The following POLA1 variants were observed in gnomAD, a reference collection of about 807,000 sequenced individuals.
POLA1 encodes DNA polymerase alpha catalytic subunit.
POLA1 carries 15 observed loss-of-function variants against 124.0 expected under a neutral mutation model. The ratio of observed to expected loss-of-function variants is 0.12; its 90% CI spans 0.08 to 0.19. POLA1 has a LOEUF of 0.19. POLA1 is among the 10% of genes least tolerant of loss of function. The pLI is 1.00. For synonymous variants in POLA1, 408 were observed against 389.4 expected (o/e 1.05, Z -0.56); for missense variants, 886 against 1,103.4 (o/e 0.80, Z 2.79).
At chrX:24,704,524 A>T in intron 4 of POLA1, 55 bp downstream of exon 4, 1 of 801,949 alleles carries the variant, frequency 1.2e-6, no homozygotes, top group Non-Finnish European at 1.9e-6. Flanking sequence ...AATTCTCTAA[A>T]ATTAGAGATG....
chrX:24,721,596 T>G (rs1462422699), intron 10 of POLA1, among the ~76,000 whole-genome samples: 1 of 112,256 alleles, frequency 8.9e-6, no homozygotes, highest in Non-Finnish European at 1.9e-5. Flanking sequence ...TGCTGAATGC[T>G]CCATAATTAT....
chrX:24,901,595 A>G (rs1294488688), intron 35 of POLA1, among the ~76,000 whole-genome samples: 2 of 111,406 alleles, frequency 1.8e-5, no homozygotes, highest in African/African-American at 6.5e-5. Flanking sequence ...GCAGTATCTG[A>G]CTAAGTTGAC....
At chrX:24,901,165 CAA>C (rs1384676673) in intron 35 of POLA1, among the ~76,000 whole-genome samples, 2 of 111,155 alleles carry the variant, frequency 1.8e-5, no homozygotes, top group Admixed American at 1.9e-4. Context: ...CAGGTAGTGA[CAA>C]AGTACTGTGG....
At chrX:24,792,952 G>A (rs2045531598) in intron 26 of POLA1, among the ~76,000 whole-genome samples, 2 of 111,039 alleles carry the variant, frequency 1.8e-5, no homozygotes, top group Admixed American at 1.9e-4. Context: ...GATATCAAAG[G>A]CTTGCTCTTT....
At chrX:24,747,648 G>A (rs1932086176) in intron 24 of POLA1, among the ~76,000 whole-genome samples, 1 of 107,936 alleles carries the variant, frequency 9.3e-6, no homozygotes, top group African/African-American at 3.4e-5. Context: ...GTCTGTCTTA[G>A]TGTTTGTATT....
chrX:24,704,528 A>G, intron 4 of POLA1, 59 bp downstream of exon 4: 2 of 779,062 alleles, frequency 2.6e-6, no homozygotes, highest in Non-Finnish European at 4.0e-6. Context: ...CTCTAAAATT[A>G]GAGATGACTT....
chrX:24,887,773 A>G (rs779134171), intron 34 of POLA1, among the ~76,000 whole-genome samples: 10 of 110,000 alleles, frequency 9.1e-5, no homozygotes, highest in Non-Finnish European at 1.5e-4. Context: ...AGAAAAAAAA[A>G]TAACATCTCA....
At chrX:24,791,637 G>C (rs1440863182) in intron 26 of POLA1, among the ~76,000 whole-genome samples, 1 of 112,373 alleles carries the variant, frequency 8.9e-6, no homozygotes, top group Non-Finnish European at 1.9e-5. Context: ...ACCTGCCTCG[G>C]CCTCCCAAAG....
In POLA1 at chrX:24,813,834, G is replaced by T. The variant is rs925800566; in HGVS notation, c.3296+971G>T. 1.1e-4 allele frequency among the ~76,000 whole-genome samples: 10 copies of T among 90,547 alleles called. No homozygotes were observed. The East Asian group carries it at 2.3e-3, about 21-fold the overall frequency. The allele number at this position is 90,547 out of a possible 115,157, so 78.6% of individuals were successfully genotyped here. A position where few individuals can be genotyped will look rare whatever the true frequency, so the allele number is the denominator to read the frequency against. On this transcript the variant is annotated intron_variant, in intron 29 of 36. Transcript: ENST00000379068. ...GTCAAAAAAAAAAAAAAAAAAAAAA[G>T]AATTTTTAGGTGCTTCATGTACCGT... is the stretch of plus-strand genomic sequence containing the variant.
intron 34 of POLA1, among the ~76,000 whole-genome samples, chrX:24,865,493 CTTAGTA>C (rs1472271279): frequency 3.6e-5 from 4 of 112,012 alleles, no homozygotes; most frequent in Non-Finnish European, 7.5e-5. Context: ...TCTTTTCTCA[CTTAGTA>C]TTTGTATTTC....
At chrX:24,741,903 GT>G (rs1931686460) in intron 21 of POLA1, 98 bp from the exon 22 acceptor site, 1 of 605,550 alleles carries the variant, frequency 1.7e-6, no homozygotes, top group Non-Finnish European at 2.5e-6. Flanking sequence ...ATTAGGAATA[GT>G]TTTGAAGGAG....
At chrX:24,719,010 G>A (rs1268136801) in intron 10 of POLA1, among the ~76,000 whole-genome samples, 3 of 111,997 alleles carry the variant, frequency 2.7e-5, no homozygotes, top group Admixed American at 9.5e-5. Flanking sequence ...CTTTGAGCCC[G>A]TCTTCATTGT....
At chrX:24,702,015 A>C (rs1928470087) in intron 2 of POLA1, among the ~76,000 whole-genome samples, 1 of 108,808 alleles carries the variant, frequency 9.2e-6, no homozygotes. Flanking sequence ...TGGCCTCCCA[A>C]AGTGCTGGGA....
chrX:24,929,755 A>G (rs1252073403), intron 35 of POLA1, among the ~76,000 whole-genome samples: 1 of 112,182 alleles, frequency 8.9e-6, no homozygotes, highest in African/African-American at 3.2e-5. Context: ...ACTCTAAATA[A>G]CCTCAGGAAT....
intron 36 of POLA1, among the ~76,000 whole-genome samples, chrX:24,983,491 C>T (rs951088216): frequency 8.9e-6 from 1 of 111,733 alleles, no homozygotes; most frequent in Non-Finnish European, 1.9e-5. Context: ...AATTTATTTG[C>T]CAGTGAAAGA....
intron 34 of POLA1, among the ~76,000 whole-genome samples, chrX:24,850,189 AG>A (rs2032953898): frequency 8.9e-6 from 1 of 112,492 alleles, no homozygotes; most frequent in African/African-American, 3.2e-5. Context: ...ATTTTGAGTC[AG>A]GTATAACATT....
At chrX:24,968,123 C>T (rs2048247585) in intron 36 of POLA1, among the ~76,000 whole-genome samples, 1 of 111,513 alleles carries the variant, frequency 9.0e-6, no homozygotes, top group South Asian at 3.8e-4. Flanking sequence ...TTTCAGTGTA[C>T]CATGGTGGCA....
intron 36 of POLA1, among the ~76,000 whole-genome samples, chrX:24,986,282 G>A (rs921706995): frequency 2.7e-5 from 3 of 111,948 alleles, no homozygotes; most frequent in African/African-American, 9.7e-5. Context: ...GTGGAGCACT[G>A]CCACCCATTA....
At position 24,921,108 on chromosome X, in the gene POLA1, AG is replaced by A. The variant is rs748682758; in HGVS notation, c.4165-9342del. ...TCACCTTGATGAACTTTGTAAAATA[AG>A]GGAAATAATCCCAGTTTCCCCTGAC... On this transcript the variant is annotated intron_variant, in intron 35 of 36. Transcript: ENST00000379068. Among the ~76,000 whole-genome samples, 3 of 112,667 alleles carry A rather than the reference AG, an allele frequency of 2.7e-5. No individual in the cohort carries two copies. The East Asian group carries it at 8.3e-4, about 31-fold the overall frequency.
Sources: gnomAD v4.1 joint callset for allele counts (sites outside exome capture counted in the v4.1 genomes callset) on GRCh38, gnomAD v4.1.1 for gene constraint, MANE v1.5 for transcripts, NCBI Gene and HGNC (gene_info 2026-07-23, HGNC 2026-07-21) for gene names.